The following CNTNAP2 variants were observed in gnomAD, a reference collection of about 807,000 sequenced individuals.
The protein encoded by CNTNAP2 is contactin associated protein 2.
In CNTNAP2, 98 loss-of-function variants were observed where a neutral mutation model predicts 155.2. That is an observed-to-expected ratio of 0.63 (90% CI 0.54 to 0.75). The LOEUF (loss-of-function observed/expected upper bound fraction) is 0.75. Ranked by LOEUF, CNTNAP2 falls within the 30% of genes least tolerant of loss-of-function variation. The pLI is 0.00. For synonymous variants in CNTNAP2, 651 were observed against 631.2 expected (o/e 1.03, Z -0.47); for missense variants, 1,727 against 1,688.1 (o/e 1.02, Z -0.40).
At chr7:146,222,181 C>T (rs1186503969) in intron 1 of CNTNAP2, among the ~76,000 whole-genome samples, 1 of 152,140 alleles carries the variant, frequency 6.6e-6, no homozygotes, top group East Asian at 1.9e-4. Context: ...AACATCTGAG[C>T]TGCTACTATG....
chr7:147,344,280 A>T (rs17412444), intron 9 of CNTNAP2, among the ~76,000 whole-genome samples: 1 of 152,100 alleles, frequency 6.6e-6, no homozygotes, highest in East Asian at 1.9e-4. Flanking sequence ...TTTTAGCAAA[A>T]GACTCTAAAT....
intron 13 of CNTNAP2, among the ~76,000 whole-genome samples, chr7:147,901,405 T>C (rs1799864995): frequency 6.6e-6 from 1 of 152,158 alleles, no homozygotes; most frequent in African/African-American, 2.4e-5. Context: ...AAAGAAAGGA[T>C]AAACCAATGA....
At chr7:147,429,598 TG>T (rs1797434297) in intron 10 of CNTNAP2, among the ~76,000 whole-genome samples, 2 of 152,150 alleles carry the variant, frequency 1.3e-5, no homozygotes, top group African/African-American at 4.8e-5. Flanking sequence ...TCTTTGTTTT[TG>T]TTGCATTTGC....
chr7:147,097,966 G>A (rs1399792800), intron 4 of CNTNAP2, among the ~76,000 whole-genome samples: 2 of 152,154 alleles, frequency 1.3e-5, no homozygotes, highest in African/African-American at 4.8e-5. Context: ...AAATTCTTCA[G>A]TTAGTATAAA....
At chr7:147,349,417 A>C (rs1318483793) in intron 9 of CNTNAP2, among the ~76,000 whole-genome samples, 2 of 151,956 alleles carry the variant, frequency 1.3e-5, no homozygotes, top group Non-Finnish European at 2.9e-5. Context: ...TCATAAGTTA[A>C]ACAATATTTT....
chr7:146,848,934 T>C (rs1023505911), intron 3 of CNTNAP2, among the ~76,000 whole-genome samples: 1 of 151,890 alleles, frequency 6.6e-6, no homozygotes, highest in Non-Finnish European at 1.5e-5. Flanking sequence ...CACCATCCCA[T>C]GCTAATGATT....
intron 13 of CNTNAP2, among the ~76,000 whole-genome samples, chr7:147,752,031 T>A (rs969435396): frequency 5.3e-5 from 8 of 152,220 alleles, no homozygotes; most frequent in Admixed American, 1.3e-4. Context: ...TCCTGACATA[T>A]TGAGCTATTG....
chr7:146,910,351 A>G (rs769276210), intron 3 of CNTNAP2, among the ~76,000 whole-genome samples: 10 of 150,244 alleles, frequency 6.7e-5, no homozygotes, highest in Non-Finnish European at 1.5e-4. Flanking sequence ...CGCCAAGTCA[A>G]TCCTAAGCCA....
chr7:147,584,251 C>T (rs1382939631), intron 12 of CNTNAP2, among the ~76,000 whole-genome samples: 4 of 152,086 alleles, frequency 2.6e-5, no homozygotes, highest in Non-Finnish European at 2.9e-5. Flanking sequence ...TAGGGGTTCA[C>T]GATAGAGTGG....
chr7:146,845,522 C>T (rs956156594), intron 3 of CNTNAP2, among the ~76,000 whole-genome samples: 3 of 152,126 alleles, frequency 2.0e-5, no homozygotes, highest in Non-Finnish European at 2.9e-5. Flanking sequence ...GTCATCAATT[C>T]CCAATTTTAG....
At chr7:147,611,832 A>G (rs184266206) in intron 12 of CNTNAP2, among the ~76,000 whole-genome samples, 45 of 152,302 alleles carry the variant, frequency 3.0e-4, no homozygotes, top group African/African-American at 9.1e-4. Context: ...TCAAACTACC[A>G]CAGCGTGCTG....
At chr7:147,296,702 G>C (rs1236449866) in intron 8 of CNTNAP2, among the ~76,000 whole-genome samples, 3 of 152,046 alleles carry the variant, frequency 2.0e-5, no homozygotes, top group East Asian at 3.9e-4. Context: ...TATGAATATG[G>C]GTGCATATTG....
intron 5 of CNTNAP2, among the ~76,000 whole-genome samples, chr7:147,118,473 T>C (rs1196759890): frequency 2.0e-5 from 3 of 152,164 alleles, no homozygotes; most frequent in Non-Finnish European, 4.4e-5. Context: ...AAGTAAAACT[T>C]GTAGGATACA....
At chr7:148,304,179 G>A (rs1378358238) in intron 21 of CNTNAP2, among the ~76,000 whole-genome samples, 1 of 152,142 alleles carries the variant, frequency 6.6e-6, no homozygotes, top group Non-Finnish European at 1.5e-5. Context: ...TTCAAAACAG[G>A]AAATTAGATT....
intron 3 of CNTNAP2, among the ~76,000 whole-genome samples, chr7:146,923,031 T>C (rs1193745424): frequency 6.6e-6 from 1 of 152,106 alleles, no homozygotes; most frequent in Non-Finnish European, 1.5e-5. Flanking sequence ...TGTAGAAGGG[T>C]CTAGAAAAGT....
intron 17 of CNTNAP2, among the ~76,000 whole-genome samples, chr7:148,166,487 TG>T (rs1391440806): frequency 4.1e-5 from 5 of 123,014 alleles, no homozygotes; most frequent in Admixed American, 3.1e-4. Context: ...TTGAGGACAG[TG>T]TTTTTTTTTT....
At chr7:147,303,342 T>C (rs1365825036) in intron 9 of CNTNAP2, among the ~76,000 whole-genome samples, 1 of 152,220 alleles carries the variant, frequency 6.6e-6, no homozygotes, top group East Asian at 1.9e-4. Context: ...ATTAAGTTGA[T>C]ATGGGAATAA....
At chr7:148,276,122 C>G (rs1796866889) in intron 21 of CNTNAP2, among the ~76,000 whole-genome samples, 1 of 152,106 alleles carries the variant, frequency 6.6e-6, no homozygotes, top group South Asian at 2.1e-4. Context: ...GCTACTCCTG[C>G]CAGGACAAGA....
In CNTNAP2 at chr7:147,225,785, AGG is replaced by A. The variant is rs1385628155; in HGVS notation, c.1349-74355_1349-74354del. On this transcript the variant is annotated intron_variant, in intron 8 of 23. Transcript: ENST00000361727. The stretch of plus-strand genomic sequence containing the variant: ...AAGGAAGGAAGGAAGGAAGGAAGGA[AGG>A]AAGGAAGGAAGGAAAGAAAGAAAGA... 2.9e-4 allele frequency among the ~76,000 whole-genome samples: 38 copies of A among 129,252 alleles called. 1 individual carries two copies. Among genetic ancestry groups the A allele is most frequent in the Non-Finnish European group, 3.7e-4 (21 of 57,462 alleles). The allele number at this position is 129,252 out of a possible 152,430, so 84.8% of individuals were successfully genotyped here.
Sources: allele counts gnomAD v4.1 joint callset (sites outside exome capture counted in the v4.1 genomes callset), GRCh38; gene constraint gnomAD v4.1.1; transcripts MANE v1.5; gene names NCBI Gene and HGNC (gene_info 2026-07-23, HGNC 2026-07-21).